ADGB: variants seen among roughly 807,000 people sequenced by gnomAD.
ADGB encodes the protein calpain-7-like protein.
ADGB carries 172 observed loss-of-function variants against 210.5 expected under a neutral mutation model. The ratio of observed to expected loss-of-function variants is 0.82; its 90% CI spans 0.72 to 0.93. The LOEUF (loss-of-function observed/expected upper bound fraction) is 0.93. ADGB is among the 40% of genes least tolerant of loss of function. The probability of loss-of-function intolerance (pLI) is 0.00; values close to 1 mark genes in which losing one functional copy is unlikely to be tolerated. For missense variants in ADGB, 2,025 were observed against 1,964.8 expected (o/e 1.03, Z -0.58); for synonymous variants, 658 against 662.7 (o/e 0.99, Z 0.11).
At position 146,705,397 on chromosome 6, in the gene ADGB, G is replaced by T. The variant is rs138609535; in HGVS notation, c.1707+4327G>T. On this transcript the variant is annotated intron_variant, in intron 13 of 35. Transcript: ENST00000397944. ...CTTTCAACTTTTCACTGTTGAGTAT[G>T]TTAGCTATGAGTTTGTCATATATGG... 2.6e-5 allele frequency among the ~76,000 whole-genome samples: 4 copies of T among 152,214 alleles called. No homozygotes were observed. In the East Asian group the frequency reaches 7.7e-4, roughly 29 times the overall value.
At chr6:146,699,485 C>T (rs537472849) in intron 12 of ADGB, among the ~76,000 whole-genome samples, 21 of 152,150 alleles carry the variant, frequency 1.4e-4, no homozygotes, top group African/African-American at 5.1e-4. Flanking sequence ...TTCTTCTGCC[C>T]AGGCAGAAGA....
intron 1 of ADGB, among the ~76,000 whole-genome samples, chr6:146,624,989 A>G (rs775550802): frequency 3.1e-4 from 47 of 152,014 alleles, no homozygotes; most frequent in Non-Finnish European, 6.5e-4. Flanking sequence ...GTATTAAATT[A>G]TGGTTTATCT....
chr6:146,782,035 A>C lies in ADGB; in HGVS notation c.3878A>C (p.His1293Pro), dbSNP rs1052510939. 10 of 1,498,650 alleles carry C rather than the reference A, an allele frequency of 6.7e-6. No individual in the cohort carries two copies. In the Admixed American group the frequency reaches 2.4e-4, roughly 36 times the overall value. The allele number at this position is 1,498,650 out of a possible 1,614,324, so 92.8% of individuals were successfully genotyped here. ...KSNTKAYGER[H>P]EELINLGSPD... ...GTCTCTCTAGCTTATGGTGAAAGAC[A>C]CGAGGAGTTAATTAACTTAGGAAGC... The change falls in exon 30 of 36, where the codon CAC (histidine) becomes CCC (proline). Residue 1293 changes from histidine to proline, a missense_variant. Coordinates refer to ENST00000397944, the MANE Select transcript of ADGB (RefSeq NM_024694.4).
At position 146,809,531 on chromosome 6, in the gene ADGB, G is replaced by A. The variant is rs1265047817; in HGVS notation, c.4819-5501G>A. ...AATTTCTGTATTTTTTTGTAGAGAC[G>A]GGGTTTCACCATGTTTCCCAGGCTG... On this transcript the variant is annotated intron_variant, in intron 35 of 35. Coordinates refer to ENST00000397944, the MANE Select transcript of ADGB (RefSeq NM_024694.4). Among the ~76,000 whole-genome samples, 11 of 151,922 alleles carry A rather than the reference G, an allele frequency of 7.2e-5. No individual in the cohort carries two copies. The East Asian group carries it at 1.2e-3, about 16-fold the overall frequency.
intron 5 of ADGB, among the ~76,000 whole-genome samples, chr6:146,661,097 G>A (rs1562267615): frequency 6.6e-6 from 1 of 151,706 alleles, no homozygotes; most frequent in Non-Finnish European, 1.5e-5. Context: ...CAGTCAACTA[G>A]TATCATGATT....
At chr6:146,719,595 G>A (rs1388131611) in intron 16 of ADGB, among the ~76,000 whole-genome samples, 3 of 152,166 alleles carry the variant, frequency 2.0e-5, no homozygotes, top group African/African-American at 2.4e-5. Flanking sequence ...CACAGAGCCC[G>A]AGGCCTGTCC....
At chr6:146,619,989 TTTG>T (rs767329982) in intron 1 of ADGB, among the ~76,000 whole-genome samples, 1 of 132,914 alleles carries the variant, frequency 7.5e-6, no homozygotes, top group Non-Finnish European at 1.7e-5. Flanking sequence ...TCAGCCTTTG[TTTG>T]TCTGGGAAAG....
chr6:146,652,069 G>C (rs1775711170), intron 3 of ADGB, among the ~76,000 whole-genome samples: 1 of 152,128 alleles, frequency 6.6e-6, no homozygotes, highest in Admixed American at 6.6e-5. Context: ...TGAATGTGTT[G>C]AATAGATTAG....
chr6:146,616,887 G>A (rs1318789049), intron 1 of ADGB, among the ~76,000 whole-genome samples: 1 of 151,912 alleles, frequency 6.6e-6, no homozygotes, highest in African/African-American at 2.4e-5. Flanking sequence ...GTGATGCCTC[G>A]AGCTTTGTCC....
chr6:146,710,791 C>T (rs1776647813), intron 13 of ADGB, among the ~76,000 whole-genome samples: 1 of 152,148 alleles, frequency 6.6e-6, no homozygotes, highest in South Asian at 2.1e-4. Context: ...CCCTACACCT[C>T]CTCATTTTTC....
chr6:146,643,317 C>A (rs59013298), intron 2 of ADGB, among the ~76,000 whole-genome samples: 1 of 151,862 alleles, frequency 6.6e-6, no homozygotes, highest in African/African-American at 2.4e-5. Flanking sequence ...TCAGGCCACA[C>A]CGGCCTTAGG....
intron 6 of ADGB, among the ~76,000 whole-genome samples, chr6:146,665,616 T>C (rs560319279): frequency 1.3e-5 from 2 of 152,236 alleles, no homozygotes; most frequent in African/African-American, 4.8e-5. Flanking sequence ...TTTATCTTTC[T>C]TAAAGCTGTA....
chr6:146,605,963 TG>T (rs926117270), intron 1 of ADGB, among the ~76,000 whole-genome samples: 8 of 152,200 alleles, frequency 5.3e-5, no homozygotes, highest in African/African-American at 1.9e-4. Context: ...CTGGGTCAAA[TG>T]GTGGTCCTGT....
chr6:146,799,993 A>G (rs888373235), intron 33 of ADGB, among the ~76,000 whole-genome samples: 2 of 152,024 alleles, frequency 1.3e-5, no homozygotes, highest in African/African-American at 4.8e-5. Context: ...TATTTTTTGT[A>G]GAGATGGGGT....
intron 27 of ADGB, among the ~76,000 whole-genome samples, chr6:146,757,167 G>GT (rs1220141196): frequency 6.6e-6 from 1 of 151,836 alleles, no homozygotes; most frequent in Non-Finnish European, 1.5e-5. Flanking sequence ...TTTACCAAGT[G>GT]TTTTTTACGA....
chr6:146,664,086 A>T (rs1187145953), intron 5 of ADGB, 115 bp from the exon 6 acceptor site: 6 of 1,002,666 alleles, frequency 6.0e-6, no homozygotes, highest in Non-Finnish European at 8.5e-6. Flanking sequence ...TCAGTGTAAG[A>T]TGCTAAAATA....
chr6:146,786,185 A>G (rs931822215), intron 32 of ADGB, among the ~76,000 whole-genome samples: 2 of 147,850 alleles, frequency 1.4e-5, no homozygotes, highest in Non-Finnish European at 3.0e-5. Flanking sequence ...ATATTTAAGT[A>G]TATATTATAT....
chr6:146,654,107 G>A (rs1380671609), intron 3 of ADGB, 28 bp from the exon 4 acceptor site: 2 of 1,257,552 alleles, frequency 1.6e-6, no homozygotes, highest in Non-Finnish European at 2.2e-6. Context: ...TTCTTATGGA[G>A]TAATATATAC....
At chr6:146,814,206 G>C (rs1265417015) in intron 35 of ADGB, among the ~76,000 whole-genome samples, 1 of 152,126 alleles carries the variant, frequency 6.6e-6, no homozygotes, top group Non-Finnish European at 1.5e-5. Context: ...AAAAAACATG[G>C]AACATTTCTT....
Sources: allele counts gnomAD v4.1 joint callset (sites outside exome capture counted in the v4.1 genomes callset), GRCh38; gene constraint gnomAD v4.1.1; transcripts MANE v1.5; gene names NCBI Gene and HGNC (gene_info 2026-07-23, HGNC 2026-07-21).